The following RPL4 variants were observed in gnomAD, a reference collection of about 807,000 sequenced individuals.
RPL4 encodes large ribosomal subunit protein uL4.
Under a neutral mutation model 47.7 loss-of-function variants are expected in RPL4, and 3 were observed. That is an observed-to-expected ratio of 0.06 (90% CI 0.03 to 0.16). RPL4 has a LOEUF of 0.16. Ranked by LOEUF, RPL4 falls within the 10% of genes least tolerant of loss-of-function variation. The pLI is 1.00. For synonymous variants in RPL4, 208 were observed against 182.1 expected, an observed-to-expected ratio of 1.14 and a Z score of -1.15; for missense variants, 413 against 551.3, an observed-to-expected ratio of 0.75 and a Z score of 2.51.
At chr15:66,500,836 C>A in intron 7 of RPL4, 113 bp downstream of exon 7, 1 of 1,295,784 alleles carries the variant, frequency 7.7e-7, no homozygotes, top group South Asian at 1.5e-5. Flanking sequence ...TTTTGGCATA[C>A]TGTTGCTGCA....
rs1893543128 is a variant in RPL4, at chr15:66,499,223, T to C, written c.*184A>G. 2 of 667,916 alleles carry C rather than the reference T, an allele frequency of 3.0e-6. No individual in the cohort carries two copies. The highest frequency in any genetic ancestry group is 5.0e-6 in the Non-Finnish European group (2 of 398,514). 41.4% of individuals were successfully genotyped at this position (667,916 alleles called of 1,614,324 possible). On this transcript the variant is annotated 3_prime_UTR_variant, in exon 10 of 10. Transcript: ENST00000307961. ...TAGTATAAATCCATGCCCCATTTTA[T>C]ACCACACTATATAAAATGTAACAGT...
chr15:66,500,862 GAATA>G, intron 7 of RPL4, 83 bp downstream of exon 7: 3 of 1,471,346 alleles, frequency 2.0e-6, no homozygotes, highest in Non-Finnish European at 2.8e-6. Flanking sequence ...GGGGAAATGG[GAATA>G]AATTTAGAAA....
At chr15:66,499,954 T>G in intron 9 of RPL4, 102 bp downstream of exon 9, 3 of 1,398,614 alleles carry the variant, frequency 2.1e-6, no homozygotes, top group Non-Finnish European at 2.9e-6. Flanking sequence ...ACTTGGTAGG[T>G]GGAGGTTGCA....
rs1041469840 is a variant in RPL4 at position 66,500,013 on chromosome 15, A to G, written c.1038+43T>C. The G allele has an allele frequency of 3.1e-6, 5 of 1,609,976 alleles. No individual in the cohort carries two copies. In the African/African-American group the frequency reaches 6.7e-5, roughly 22 times the overall value. ...ACTCCAGCCTGGGTGACAGAGCGAG[A>G]TTCCGACTCAAAAACAAACAAACAA... On this transcript the variant is annotated intron_variant, in intron 9 of 9. Coordinates refer to ENST00000307961, the MANE Select transcript of RPL4 (RefSeq NM_000968.4).
chr15:66,504,004 G>A (rs1893688890), intron 1 of RPL4, among the ~76,000 whole-genome samples: 1 of 151,582 alleles, frequency 6.6e-6, no homozygotes, highest in Non-Finnish European at 1.5e-5. Flanking sequence ...AAAATCCTGA[G>A]GCTGACCTAC....
At chr15:66,500,732 C>A in intron 7 of RPL4, 1 of 594,940 alleles carries the variant, frequency 1.7e-6, no homozygotes, top group Non-Finnish European at 2.9e-6. Context: ...CAGTAAGCCA[C>A]GATCACACCA....
chr15:66,503,382 G>A lies in RPL4; in HGVS notation c.151C>T (p.Pro51Ser). 1.2e-6 allele frequency: 2 copies of A among 1,610,150 alleles called. No individual in the cohort carries two copies. The highest frequency in any genetic ancestry group is 1.7e-4 in the Middle Eastern group (1 of 6,050). Residue 51 changes from proline to serine, a missense_variant, in exon 2 of 10, where the codon CCC becomes TCC. Pro to Ser is a moderately conservative substitution (Grantham distance 74). This residue lies in a region of RPL4 where 56 missense variants were observed against 70.6 expected (regional missense o/e 0.79). Transcript: ENST00000307961. ...HTNLRKNNRQ[P>S]YAVSELAGHQ... The stretch of plus-strand genomic sequence containing the variant: ...CCTGCTAATTCACTGACAGCATAGG[G>A]CTGTCTGTTGTTTTTGCGCAAGTTG...
Position 66,499,176 on chromosome 15 carries a change from C to T in RPL4, c.*231G>A, listed in dbSNP as rs1449555188. 1 of 450,136 alleles carries T rather than the reference C, an allele frequency of 2.2e-6. No individual in the cohort carries two copies. The highest frequency in any genetic ancestry group is 2.0e-5 in the African/African-American group (1 of 49,526). 27.9% of individuals were successfully genotyped at this position (450,136 alleles called of 1,614,324 possible). A position where few individuals can be genotyped will look rare whatever the true frequency, so the allele number is the denominator to read the frequency against. ...CCACAACTTTTTTTAAATCATTCCC[C>T]TTCCACTGAACTCCATGGACTTAGT... is the stretch of plus-strand genomic sequence containing the variant. On this transcript the variant is annotated 3_prime_UTR_variant, in exon 10 of 10. Transcript: ENST00000307961.
In RPL4 at chr15:66,504,776, A is replaced by G; in HGVS notation, c.3+12T>C. 1.2e-6 allele frequency: 2 copies of G among 1,612,068 alleles called. No homozygotes were observed. Among genetic ancestry groups the G allele is most frequent in the South Asian group, 1.1e-5 (1 of 90,690 alleles). On this transcript the variant is annotated intron_variant, in intron 1 of 9. Coordinates refer to ENST00000307961, the MANE Select transcript of RPL4 (RefSeq NM_000968.4). ...ATACGGGGTAAGGCCAGCCAAGAGAACTTCCACTCACCATGGCGGAGAGAG... is the reference window on the plus strand; with the variant it reads ...ATACGGGGTAAGGCCAGCCAAGAGAGCTTCCACTCACCATGGCGGAGAGAG...
intron 9 of RPL4, 78 bp from the exon 10 acceptor site, chr15:66,499,730 A>C (rs2140711611): frequency 6.3e-7 from 1 of 1,587,992 alleles, no homozygotes; most frequent in East Asian, 2.2e-5. Context: ...AAAAACAAAA[A>C]CAAAACAAAC....
intron 6 of RPL4, 126 bp from the exon 7 acceptor site, chr15:66,501,231 G>A: frequency 6.5e-7 from 1 of 1,537,900 alleles, no homozygotes; most frequent in Non-Finnish European, 9.0e-7. Flanking sequence ...AACCATCAAT[G>A]GTGCAACTCT....
At chr15:66,501,707 T>C (rs1893619110) in intron 5 of RPL4, 81 bp downstream of exon 5, 2 of 1,573,238 alleles carry the variant, frequency 1.3e-6, no homozygotes, top group Admixed American at 1.9e-5. Context: ...GGATTAGCTA[T>C]ACTGCCCTTA....
intron 3 of RPL4, 102 bp downstream of exon 3, chr15:66,502,956 A>C (rs751822777): frequency 7.3e-7 from 1 of 1,366,070 alleles, no homozygotes; most frequent in South Asian, 1.2e-5. Flanking sequence ...TTCAAGACAA[A>C]AAAAAGTAAT....
chr15:66,502,801 A>G (rs1407547544), intron 3 of RPL4, 51 bp from the exon 4 acceptor site: 1 of 1,613,286 alleles, frequency 6.2e-7, no homozygotes, highest in East Asian at 2.2e-5. Flanking sequence ...AATTACAACA[A>G]GGTTATTTCT....
At chr15:66,499,888 T>C in intron 9 of RPL4, 168 bp downstream of exon 9, 1 of 945,342 alleles carries the variant, frequency 1.1e-6, no homozygotes, top group Admixed American at 2.9e-5. Flanking sequence ...CCGGACATGG[T>C]GGCGTGCGCC....
In RPL4 at chr15:66,500,385, G is replaced by A. The variant is rs1469258497; in HGVS notation, c.834-9C>T. 2 of 1,611,026 alleles carry A rather than the reference G, an allele frequency of 1.2e-6. No homozygotes were observed. Among genetic ancestry groups the A allele is most frequent in the Non-Finnish European group, 1.7e-6 (2 of 1,177,752 alleles). The stretch of plus-strand genomic sequence containing the variant: ...TCTTGTGCATGGGAAGACTGAAAGG[G>A]AAAAGATTGACATGTACATGTAAAA... On this transcript the variant is annotated splice_polypyrimidine_tract_variant and intron_variant, in intron 7 of 9. Coordinates refer to ENST00000307961, the MANE Select transcript of RPL4 (RefSeq NM_000968.4).
chr15:66,500,017 C>T (rs781772058), intron 9 of RPL4, 39 bp downstream of exon 9: 11 of 1,609,456 alleles, frequency 6.8e-6, no homozygotes, highest in Admixed American at 6.7e-5. Flanking sequence ...AGCGAGATTC[C>T]GACTCAAAAA....
Position 66,502,717 on chromosome 15 carries a change from T to C in RPL4, c.316A>G (p.Lys106Glu). Residue 106 changes from lysine (K) to glutamate (E), a missense_variant, in exon 4 of 10, where the codon AAA (lysine) becomes GAA (glutamate). Transcript: ENST00000307961. ...CRGGRMFAPT[K>E]TWRRWHRRVN... Reference sequence around the variant, plus strand: ...CTACGATGCCAACGGCGCCAGGTTTTGGTTGGTGCAAACATTCGGCCTCCA... The same window carrying C: ...CTACGATGCCAACGGCGCCAGGTTTCGGTTGGTGCAAACATTCGGCCTCCA... The C allele has an allele frequency of 1.2e-6, 2 of 1,614,142 alleles. No individual in the cohort carries two copies. The highest frequency in any genetic ancestry group is 1.7e-6 in the Non-Finnish European group (2 of 1,180,004).
At chr15:66,501,628 C>A in intron 5 of RPL4, 124 bp from the exon 6 acceptor site, 1 of 1,498,756 alleles carries the variant, frequency 6.7e-7, no homozygotes, top group Non-Finnish European at 9.0e-7. Flanking sequence ...TTACACAGAG[C>A]CATAAACAGC....
Sources: gnomAD v4.1 joint callset for allele counts (sites outside exome capture counted in the v4.1 genomes callset) on GRCh38, gnomAD v4.1.1 for gene constraint, gnomAD v4.1.1 regional missense constraint, MANE v1.5 for transcripts, NCBI Gene and HGNC (gene_info 2026-07-23, HGNC 2026-07-21) for gene names.